The following AP4E1 variants were observed in gnomAD, a reference collection of about 807,000 sequenced individuals.
AP4E1 encodes adaptor related protein complex 4 subunit epsilon 1.
In AP4E1, 56 loss-of-function variants were observed where a neutral mutation model predicts 128.2. That is an observed-to-expected ratio of 0.44 (90% CI 0.35 to 0.55). The LOEUF (loss-of-function observed/expected upper bound fraction) is 0.55, where lower values mean the gene tolerates loss of function less well. Among genes scored for constraint, AP4E1 ranks in the 20% least tolerant of loss-of-function variants. The probability of loss-of-function intolerance (pLI) is 0.00; values close to 1 mark genes in which losing one functional copy is unlikely to be tolerated. For synonymous variants in AP4E1, 484 were observed against 473.1 expected, an observed-to-expected ratio of 1.02 and a Z score of -0.30; for missense variants, 1,324 against 1,307.7, an observed-to-expected ratio of 1.01 and a Z score of -0.19.
Position 50,946,256 on chromosome 15 carries a change from T to A in AP4E1, c.1177-1764T>A, listed in dbSNP as rs1209401041. 3.3e-5 allele frequency among the ~76,000 whole-genome samples: 5 copies of A among 152,240 alleles called. No homozygotes were observed. In the East Asian group the frequency reaches 5.8e-4, roughly 18 times the overall value. On this transcript the variant is annotated intron_variant, in intron 10 of 20. Coordinates refer to ENST00000261842, the MANE Select transcript of AP4E1 (RefSeq NM_007347.5). ...CATTTTTTCCTGTTTTAATTACAGA[T>A]ATACTCTGTATATTCTCTCTGATCT...
At chr15:50,952,178 C>G (rs1226088774) in intron 13 of AP4E1, among the ~76,000 whole-genome samples, 1 of 152,126 alleles carries the variant, frequency 6.6e-6, no homozygotes, top group Non-Finnish European at 1.5e-5. Context: ...CATGAATCTT[C>G]TATGAATGAC....
Position 51,002,805 on chromosome 15 carries a change from C to G in AP4E1, c.*143C>G, listed in dbSNP as rs886357894. Reference sequence around the variant, plus strand: ...GGTTTATATGTTTTCTTTGTGATTCCTGGTCAAGAAAGATCCCCAAAACTG... The same window carrying G: ...GGTTTATATGTTTTCTTTGTGATTCGTGGTCAAGAAAGATCCCCAAAACTG... On this transcript the variant is annotated 3_prime_UTR_variant, in exon 21 of 21. Transcript: ENST00000261842. 9.6e-7 allele frequency: 1 copy of G among 1,046,978 alleles called. No homozygotes were observed. 64.9% of individuals were successfully genotyped at this position (1,046,978 alleles called of 1,614,324 possible). A position where few individuals can be genotyped will look rare whatever the true frequency, so the allele number is the denominator to read the frequency against.
intron 2 of AP4E1, among the ~76,000 whole-genome samples, chr15:50,913,045 A>C (rs1354742985): frequency 6.6e-6 from 1 of 152,014 alleles, no homozygotes; most frequent in African/African-American, 2.4e-5. Context: ...TCAGTATATA[A>C]GCCACTGTGG....
At chr15:50,962,617 G>A (rs565653549) in intron 14 of AP4E1, among the ~76,000 whole-genome samples, 13 of 151,862 alleles carry the variant, frequency 8.6e-5, no homozygotes, top group Non-Finnish European at 1.6e-4. Context: ...ATGAATTAAA[G>A]AATTTAATGT....
At chr15:50,952,977 A>T (rs1319490780) in intron 13 of AP4E1, among the ~76,000 whole-genome samples, 1 of 152,076 alleles carries the variant, frequency 6.6e-6, no homozygotes, top group East Asian at 1.9e-4. Flanking sequence ...TCATCCCAGC[A>T]CTTTGGGAGG....
rs2063687308 is a variant in AP4E1, at chr15:50,920,461, T to TAC, written c.347-3470_347-3469insAC. 8.9e-5 allele frequency among the ~76,000 whole-genome samples: 13 copies of TAC among 145,564 alleles called. 1 individual carries two copies. In the Admixed American group the frequency reaches 9.2e-4, roughly 10 times the overall value. ...AGTCTCTGTCACCTAGGCTGGAGTA[T>TAC]GGTGGCGCCACCTCGGTTCACTGCA... On this transcript the variant is annotated intron_variant, in intron 3 of 20. Transcript: ENST00000261842.
At chr15:50,952,804 G>A (rs148852370) in intron 13 of AP4E1, among the ~76,000 whole-genome samples, 214 of 152,002 alleles carry the variant, frequency 1.4e-3, no homozygotes, top group African/African-American at 4.7e-3. Flanking sequence ...AATTATTTTT[G>A]TTCAGGTTAA....
At chr15:50,909,932 G>T (rs766525057) in intron 1 of AP4E1, among the ~76,000 whole-genome samples, 7 of 151,794 alleles carry the variant, frequency 4.6e-5, no homozygotes, top group African/African-American at 7.3e-5. Flanking sequence ...CGATCCGCCC[G>T]CCTTGGCGTC....
chr15:50,929,427 T>C (rs1392593129), intron 6 of AP4E1, among the ~76,000 whole-genome samples: 1 of 152,044 alleles, frequency 6.6e-6, no homozygotes, highest in Non-Finnish European at 1.5e-5. Flanking sequence ...GTGGAAGGTG[T>C]CTTAAGTTTG....
upstream of AP4E1, among the ~76,000 whole-genome samples, chr15:50,908,270 CG>C (rs1388803468): frequency 1.3e-5 from 2 of 152,196 alleles, no homozygotes; most frequent in Non-Finnish European, 2.9e-5. Context: ...CGCGCGGCGC[CG>C]GGGACCCGCG....
intron 5 of AP4E1, among the ~76,000 whole-genome samples, chr15:50,926,362 TC>T (rs1156877625): frequency 6.6e-6 from 1 of 151,938 alleles, no homozygotes; most frequent in Non-Finnish European, 1.5e-5. Flanking sequence ...GATCTTGAAC[TC>T]CTGACCTTGT....
In AP4E1 at chr15:50,915,588, A is replaced by C; in HGVS notation, c.346+17A>C. On this transcript the variant is annotated intron_variant, in intron 3 of 20. Coordinates refer to ENST00000261842, the MANE Select transcript of AP4E1 (RefSeq NM_007347.5). ...AAAGAGTAGGTATGTATGTGTTTTA[A>C]GACTTTGATGCTTTCATGTTGTCCT... 5.6e-6 allele frequency: 9 copies of C among 1,613,256 alleles called. No individual in the cohort carries two copies. The highest frequency in any genetic ancestry group is 7.6e-6 in the Non-Finnish European group (9 of 1,179,516).
At chr15:50,912,176 C>CA in intron 2 of AP4E1, 27 bp downstream of exon 2, 1 of 1,575,010 alleles carries the variant, frequency 6.3e-7, no homozygotes, top group Non-Finnish European at 8.6e-7. Context: ...AGTGCCAACA[C>CA]ATTTGAATTT....
At chr15:50,979,857 T>C (rs1269328975) in intron 15 of AP4E1, among the ~76,000 whole-genome samples, 2 of 152,306 alleles carry the variant, frequency 1.3e-5, no homozygotes, top group South Asian at 4.1e-4. Flanking sequence ...TATTCTGTTA[T>C]AGCAACATAA....
At chr15:51,000,550 G>T (rs1202521664) in intron 19 of AP4E1, among the ~76,000 whole-genome samples, 1 of 152,160 alleles carries the variant, frequency 6.6e-6, no homozygotes, top group Non-Finnish European at 1.5e-5. Context: ...AACTTACGTT[G>T]TGTGATTGTG....
At position 50,908,747 on chromosome 15, in the gene AP4E1, GGGCGGCGGCGGCATCGCGGGC is replaced by G. The variant is rs1467169402; in HGVS notation, c.-21_-1del. ...TGAAGCCGGGCGGCTACGGGATCGCGGGCGGCGGCGGCATCGCGGGCGGCGGCGGCGATGAGCGACATAGTG... is the reference window on the plus strand; with the variant it reads ...TGAAGCCGGGCGGCTACGGGATCGCGGGCGGCGGCGATGAGCGACATAGTG... On this transcript the variant is annotated 5_prime_UTR_variant, in exon 1 of 21. Transcript: ENST00000261842. 45 of 1,503,272 alleles carry G rather than the reference GGGCGGCGGCGGCATCGCGGGC, an allele frequency of 3.0e-5. No homozygotes were observed. The highest frequency in any genetic ancestry group is 3.5e-5 in the Non-Finnish European group (40 of 1,128,040). 93.1% of individuals were successfully genotyped at this position (1,503,272 alleles called of 1,614,324 possible).
chr15:50,968,204 A>G (rs1276684081), intron 14 of AP4E1, 59 bp from the exon 15 acceptor site: 23 of 1,115,016 alleles, frequency 2.1e-5, no homozygotes, highest in Middle Eastern at 2.0e-4. Flanking sequence ...TTATGTGACT[A>G]TATAATCTAC....
chr15:50,931,065 C>A (rs2063829955), intron 7 of AP4E1, 94 bp downstream of exon 7: 4 of 1,444,768 alleles, frequency 2.8e-6, no homozygotes, highest in South Asian at 1.2e-5. Flanking sequence ...AAACCAGATT[C>A]TTCCAATGTT....
intron 1 of AP4E1, 145 bp downstream of exon 1, chr15:50,909,073 G>T: frequency 7.4e-7 from 1 of 1,354,414 alleles, no homozygotes; most frequent in Non-Finnish European, 9.8e-7. Flanking sequence ...TCGTCCTTTC[G>T]TCTGCCTGGA....
Sources: allele counts gnomAD v4.1 joint callset (sites outside exome capture counted in the v4.1 genomes callset), GRCh38; gene constraint gnomAD v4.1.1; transcripts MANE v1.5; gene names NCBI Gene and HGNC (gene_info 2026-07-23, HGNC 2026-07-21).